The following ACSS2 variants were observed in gnomAD, a reference collection of about 807,000 sequenced individuals.
ACSS2 encodes the protein acetyl-coenzyme A synthetase, cytoplasmic.
In ACSS2, 58 loss-of-function variants were observed where a neutral mutation model predicts 90.6. The observed-to-expected ratio is 0.64, with a 90% confidence interval of 0.52 to 0.80. The LOEUF (loss-of-function observed/expected upper bound fraction) is 0.80, where lower values mean the gene tolerates loss of function less well. Among genes scored for constraint, ACSS2 ranks in the 30% least tolerant of loss-of-function variants. The probability of loss-of-function intolerance (pLI) is 0.00; values close to 1 mark genes in which losing one functional copy is unlikely to be tolerated. For missense variants in ACSS2, 759 were observed against 912.0 expected (o/e 0.83, Z 2.16); for synonymous variants, 300 against 330.9 (o/e 0.91, Z 1.01).
chr20:34,923,203 C>T, intron 13 of ACSS2, 120 bp from the exon 14 acceptor site: 1 of 722,340 alleles, frequency 1.4e-6, no homozygotes, highest in Non-Finnish European at 2.4e-6. Context: ...AGCCAGGATC[C>T]TCTGTCTCCA....
chr20:34,913,797 T>G lies in ACSS2; in HGVS notation c.615T>G (p.Asp205Glu), dbSNP rs1243216473. The change falls in exon 5 of 18, where the codon GAT becomes GAG. Residue 205 changes from aspartate (D) to glutamate (E), a missense_variant. Transcript: ENST00000360596. Reference sequence around the variant, plus strand: ...AGTCTCTATGTGAACGGATCTTGGATTCCAGCTGCAGTCTTCTCATCACTA... The same window carrying G: ...AGTCTCTATGTGAACGGATCTTGGAGTCCAGCTGCAGTCTTCTCATCACTA... ...SSESLCERIL[D>E]SSCSLLITTD... The G allele has an allele frequency of 6.2e-7, 1 of 1,614,158 alleles. No individual in the cohort carries two copies.
intron 2 of ACSS2, among the ~76,000 whole-genome samples, chr20:34,909,119 G>A (rs944295273): frequency 6.6e-6 from 1 of 150,512 alleles, no homozygotes; most frequent in African/African-American, 2.5e-5. Context: ...GAAGGCTGAG[G>A]CAGGAGGATT....
At chr20:34,899,016 C>T (rs1158136933) in intron 2 of ACSS2, among the ~76,000 whole-genome samples, 1 of 152,232 alleles carries the variant, frequency 6.6e-6, no homozygotes, top group Non-Finnish European at 1.5e-5. Context: ...GCTGGGGTAC[C>T]CAGTACACCC....
rs750444426 is a variant in ACSS2 at position 34,913,465 on chromosome 20, G to A, written c.539G>A (p.Cys180Tyr). Residue 180 changes from cysteine (C) to tyrosine (Y), a missense_variant, in exon 4 of 18, where the codon TGT (cysteine) becomes TAT (tyrosine). Cys to Tyr is a radical substitution (Grantham distance 194). Coordinates refer to ENST00000360596, the MANE Select transcript of ACSS2 (RefSeq NM_018677.4). ...GAGCTTGTGGTGGCCATGCTGGCAT[G>A]TGCCCGCATTGGGGCTTTGCACTCC... ...IPELVVAMLA[C>Y]ARIGALHSIV... The A allele has an allele frequency of 1.9e-6, 3 of 1,613,882 alleles. No individual in the cohort carries two copies. The highest frequency in any genetic ancestry group is 3.3e-5 in the Admixed American group (2 of 59,990).
intron 9 of ACSS2, 74 bp from the exon 10 acceptor site, chr20:34,920,932 C>G: frequency 6.3e-7 from 1 of 1,595,792 alleles, no homozygotes; most frequent in Non-Finnish European, 8.5e-7. Context: ...AAATACTGAA[C>G]CTGAGGGAAT....
intron 2 of ACSS2, among the ~76,000 whole-genome samples, chr20:34,887,659 T>C (rs915965652): frequency 2.0e-5 from 3 of 152,144 alleles, no homozygotes; most frequent in Non-Finnish European, 4.4e-5. Flanking sequence ...GAGAATGGCT[T>C]GAACCCAGGA....
intron 1 of ACSS2, among the ~76,000 whole-genome samples, chr20:34,881,130 G>A (rs180966023): frequency 4.8e-4 from 70 of 146,928 alleles, no homozygotes; most frequent in South Asian, 4.4e-4. Context: ...AGGTTCAGGC[G>A]ATTCTCCTGC....
chr20:34,923,202 C>T (rs147715310), intron 13 of ACSS2, 121 bp from the exon 14 acceptor site: 953 of 714,258 alleles, frequency 1.3e-3, no homozygotes, highest in Middle Eastern at 3.2e-3. Context: ...AAGCCAGGAT[C>T]CTCTGTCTCC....
chr20:34,927,331 G>C lies in ACSS2; in HGVS notation c.*117G>C. ...CCACACTACCCTCCCTTGACCAGCTGTCTGGGACCGGAAACCAGCTTTGTC... is the reference window on the plus strand; with the variant it reads ...CCACACTACCCTCCCTTGACCAGCTCTCTGGGACCGGAAACCAGCTTTGTC... On this transcript the variant is annotated 3_prime_UTR_variant, in exon 18 of 18. Coordinates refer to ENST00000360596, the MANE Select transcript of ACSS2 (RefSeq NM_018677.4). The surrounding 1 kb of genome is among the most constrained non-coding windows in gnomAD (Gnocchi z 4.2). 19 of 1,391,356 alleles carry C rather than the reference G, an allele frequency of 1.4e-5. No homozygotes were observed. The highest frequency in any genetic ancestry group is 1.8e-5 in the Non-Finnish European group (18 of 1,011,826). The allele number at this position is 1,391,356 out of a possible 1,614,324, so 86.2% of individuals were successfully genotyped here. A position where few individuals can be genotyped will look rare whatever the true frequency, so the allele number is the denominator to read the frequency against.
At chr20:34,899,419 T>C (rs201899674) in intron 2 of ACSS2, among the ~76,000 whole-genome samples, 2 of 64,956 alleles carry the variant, frequency 3.1e-5, no homozygotes, top group African/African-American at 9.0e-5. Context: ...TCTTTCTTTC[T>C]TTCTTTCCTT....
chr20:34,913,688 CCTTT>C, intron 4 of ACSS2, 61 bp from the exon 5 acceptor site: 1 of 1,487,444 alleles, frequency 6.7e-7, no homozygotes, highest in Non-Finnish European at 9.4e-7. Context: ...ATGAGCAACC[CCTTT>C]CTTCATTCAC....
chr20:34,905,835 T>C (rs1334371158), intron 2 of ACSS2, among the ~76,000 whole-genome samples: 1 of 152,236 alleles, frequency 6.6e-6, no homozygotes, highest in African/African-American at 2.4e-5. Flanking sequence ...TATCATATAT[T>C]TTCTTTCATG....
chr20:34,884,090 C>T (rs1037002945), intron 2 of ACSS2, among the ~76,000 whole-genome samples: 3 of 152,160 alleles, frequency 2.0e-5, no homozygotes, highest in African/African-American at 4.8e-5. Context: ...GGACTACAGA[C>T]ATGCACCACC....
intron 2 of ACSS2, among the ~76,000 whole-genome samples, chr20:34,888,067 C>CAAA (rs34578238): frequency 0.021 from 1,301 of 62,120 alleles, 55 homozygotes; most frequent in Middle Eastern, 0.056. Context: ...AAGACTCCAT[C>CAAA]AAAAAAAAAA....
At chr20:34,916,168 T>G (rs534574757) in intron 7 of ACSS2, among the ~76,000 whole-genome samples, 1 of 152,290 alleles carries the variant, frequency 6.6e-6, no homozygotes, top group Non-Finnish European at 1.5e-5. Context: ...GGCATACTGC[T>G]TTCCTTTTAA....
chr20:34,921,562 C>G lies in ACSS2; in HGVS notation c.1429C>G (p.Pro477Ala). The G allele has an allele frequency of 6.2e-7, 1 of 1,614,194 alleles. No individual in the cohort carries two copies. The highest frequency in any genetic ancestry group is 2.2e-5 in the East Asian group (1 of 44,878). Residue 477 changes from proline to alanine, a missense_variant, in exon 12 of 18, where the codon CCC becomes GCC. By Grantham distance (27) the Pro-to-Ala change is conservative. Coordinates refer to ENST00000360596, the MANE Select transcript of ACSS2 (RefSeq NM_018677.4). ...QTETGGHMLT[P>A]LPGATPMKPG... ...TCCCCAGGGTGGCCACATGTTGACT[C>G]CCCTTCCTGGTGCCACACCCATGAA...
chr20:34,906,351 A>G (rs2080805138), intron 2 of ACSS2, among the ~76,000 whole-genome samples: 1 of 151,558 alleles, frequency 6.6e-6, no homozygotes, highest in African/African-American at 2.4e-5. Context: ...AAAAAAAAAA[A>G]AGAGTTCTGA....
At chr20:34,876,561 G>A (rs115698831), upstream of ACSS2, 6,526 of 1,277,198 alleles carry the variant, frequency 5.1e-3, 253 homozygotes, top group African/African-American at 0.085. Context: ...CTCTACGGAG[G>A]CCCCGCCTCT....
intron 2 of ACSS2, among the ~76,000 whole-genome samples, chr20:34,883,338 T>A (rs760262940): frequency 2.0e-5 from 3 of 152,250 alleles, no homozygotes; most frequent in African/African-American, 4.8e-5. Context: ...ACTACCATTA[T>A]CATTATCTTT....
Sources: gnomAD v4.1 joint callset for allele counts (sites outside exome capture counted in the v4.1 genomes callset) on GRCh38, gnomAD v4.1.1 for gene constraint, Gnocchi (gnomAD v3.1) non-coding constraint, MANE v1.5 for transcripts, NCBI Gene and HGNC (gene_info 2026-07-23, HGNC 2026-07-21) for gene names.